The following HERC3 variants were observed in gnomAD, a reference collection of about 807,000 sequenced individuals.
HERC3 encodes probable E3 ubiquitin-protein ligase HERC3.
Under a neutral mutation model 129.9 loss-of-function variants are expected in HERC3, and 58 were observed. The ratio of observed to expected loss-of-function variants is 0.45; its 90% CI spans 0.36 to 0.56. The LOEUF (loss-of-function observed/expected upper bound fraction) is 0.56. HERC3 is among the 20% of genes least tolerant of loss of function. The probability of loss-of-function intolerance (pLI) is 0.00; values close to 1 mark genes in which losing one functional copy is unlikely to be tolerated. For synonymous variants in HERC3, 430 were observed against 451.0 expected (o/e 0.95, Z 0.59); for missense variants, 835 against 1,244.2 (o/e 0.67, Z 4.95).
chr4:88,656,032 G>A lies in HERC3; in HGVS notation c.1066G>A (p.Ala356Thr), dbSNP rs553928306. 1 of 1,613,976 alleles carries A rather than the reference G, an allele frequency of 6.2e-7. No homozygotes were observed. Among genetic ancestry groups the A allele is most frequent in the Admixed American group, 1.7e-5 (1 of 60,006 alleles). The change falls in exon 9 of 26, where the codon GCT (alanine) becomes ACT (threonine). Residue 356 changes from alanine to threonine, a missense_variant. Transcript: ENST00000402738. ...CCACAGTGGCCAGCTTTCAGCCCGA[G>A]CTGGTAAGAATGATTGTCTCTGGAA... ...AAHSGQLSAR[A>T]DRFKYHIVKQ... is the part of the protein sequence containing the mutation.
At chr4:88,637,657 A>G (rs574019199) in intron 3 of HERC3, among the ~76,000 whole-genome samples, 28 of 152,338 alleles carry the variant, frequency 1.8e-4, no homozygotes, top group Non-Finnish European at 3.5e-4. Flanking sequence ...AAAGATCTCA[A>G]ATCAACACCC....
intron 19 of HERC3, among the ~76,000 whole-genome samples, 158 bp from the exon 20 acceptor site, chr4:88,679,935 A>G (rs796278610): frequency 1.3e-5 from 2 of 152,356 alleles, no homozygotes; most frequent in African/African-American, 2.4e-5. Flanking sequence ...TTCACCAGCA[A>G]TAATCAACAG....
intron 23 of HERC3, among the ~76,000 whole-genome samples, chr4:88,699,407 C>A (rs78046174): frequency 7.5e-6 from 1 of 133,382 alleles, no homozygotes; most frequent in Non-Finnish European, 1.5e-5. Flanking sequence ...CCCACCTTCC[C>A]CCACGGTCTT....
At chr4:88,593,869 G>A (rs1722032832) in intron 1 of HERC3, among the ~76,000 whole-genome samples, 1 of 152,168 alleles carries the variant, frequency 6.6e-6, no homozygotes, top group South Asian at 2.1e-4. Context: ...CTCTCCTTTT[G>A]TACTTTCCTT....
rs555657923 is a variant in HERC3 at position 88,699,889 on chromosome 4, G to A, written c.2658-4209G>A. Among the ~76,000 whole-genome samples, 28 of 152,262 alleles carry A rather than the reference G, an allele frequency of 1.8e-4. No individual in the cohort carries two copies. In the South Asian group the frequency reaches 1.9e-3, roughly 10 times the overall value. ...AACAGTAAAATTTGTCCTTTTGGGC[G>A]TGCTTTCACAAGCAAATACAGTAAT... On this transcript the variant is annotated intron_variant, in intron 23 of 25. Transcript: ENST00000402738.
At chr4:88,542,673 A>G in the HERC3 span, among the ~76,000 whole-genome samples, 1 of 152,238 alleles carries the variant, frequency 6.6e-6, no homozygotes, top group African/African-American at 2.4e-5. Flanking sequence ...ATGAACATCA[A>G]TGTGAAAATC....
At chr4:88,581,923 T>C in the HERC3 span, among the ~76,000 whole-genome samples, 1 of 152,166 alleles carries the variant, frequency 6.6e-6, no homozygotes, top group South Asian at 2.1e-4. Flanking sequence ...AGTTGAGACA[T>C]AAAAAAGGTA....
chr4:88,645,057 T>C (rs1728543233), intron 3 of HERC3, among the ~76,000 whole-genome samples: 1 of 152,126 alleles, frequency 6.6e-6, no homozygotes, highest in East Asian at 1.9e-4. Flanking sequence ...ATGTACAATA[T>C]TTTGTTTTGA....
At chr4:88,552,201 G>A in the HERC3 span, among the ~76,000 whole-genome samples, 1 of 151,710 alleles carries the variant, frequency 6.6e-6, no homozygotes, top group South Asian at 2.1e-4. Context: ...GAGTTAATGG[G>A]TGCAGCACAC....
chr4:88,595,425 G>A (rs1722258839), intron 1 of HERC3, 132 bp from the exon 2 acceptor site: 1 of 152,068 alleles, frequency 6.6e-6, no homozygotes, highest in Non-Finnish European at 1.5e-5. Context: ...CAATGCGTGG[G>A]GAATATTCAA....
At chr4:88,652,201 A>G (rs1729365868) in intron 5 of HERC3, 113 bp downstream of exon 5, 4 of 763,560 alleles carry the variant, frequency 5.2e-6, no homozygotes, top group Non-Finnish European at 9.1e-6. Flanking sequence ...GTTAGGGTCT[A>G]TGCATTGCTG....
At chr4:88,539,366 A>G in the HERC3 span, among the ~76,000 whole-genome samples, 2 of 151,754 alleles carry the variant, frequency 1.3e-5, no homozygotes, top group African/African-American at 4.8e-5. Flanking sequence ...CCTCGGGGGG[A>G]GAGGGGCATC....
chr4:88,579,552 G>T, the HERC3 span, among the ~76,000 whole-genome samples: 2 of 152,146 alleles, frequency 1.3e-5, no homozygotes, highest in East Asian at 1.9e-4. Context: ...TAGAATGGAT[G>T]GGGAATTGGG....
chr4:88,538,838 C>T, the HERC3 span, among the ~76,000 whole-genome samples: 1 of 152,046 alleles, frequency 6.6e-6, no homozygotes, highest in African/African-American at 2.4e-5. Context: ...CCACCATGCC[C>T]GGCCCAATTT....
chr4:88,668,614 G>C (rs1232945204), intron 14 of HERC3: 4 of 154,564 alleles, frequency 2.6e-5, no homozygotes, highest in Non-Finnish European at 5.9e-5. Flanking sequence ...CAGTGATTTG[G>C]AGAGTGTCTT....
chr4:88,594,191 T>C (rs1170294205), intron 1 of HERC3, among the ~76,000 whole-genome samples: 4 of 152,228 alleles, frequency 2.6e-5, no homozygotes, highest in African/African-American at 9.6e-5. Context: ...TGTTGTGTGC[T>C]TGAAGCCATT....
At chr4:88,629,647 A>G (rs2924927) in intron 3 of HERC3, among the ~76,000 whole-genome samples, 7,860 of 152,258 alleles carry the variant, frequency 0.052, 546 homozygotes, top group East Asian at 0.27. Flanking sequence ...GTACTGATAG[A>G]TAGTATACTA....
At chr4:88,636,632 T>A (rs754826866) in intron 3 of HERC3, among the ~76,000 whole-genome samples, 36 of 152,134 alleles carry the variant, frequency 2.4e-4, no homozygotes, top group Non-Finnish European at 2.1e-4. Context: ...GAGCTCTGGA[T>A]CAAGTGGACC....
chr4:88,552,436 A>G, the HERC3 span, among the ~76,000 whole-genome samples: 8 of 152,248 alleles, frequency 5.3e-5, no homozygotes, highest in African/African-American at 1.7e-4. Flanking sequence ...TATTTTTAGT[A>G]GAGACAGGGT....
Sources: gnomAD v4.1 joint callset for allele counts (sites outside exome capture counted in the v4.1 genomes callset) on GRCh38, gnomAD v4.1.1 for gene constraint, MANE v1.5 for transcripts, NCBI Gene and HGNC (gene_info 2026-07-23, HGNC 2026-07-21) for gene names.